The following PEX3 variants were observed in gnomAD, a reference collection of about 807,000 sequenced individuals.
The protein encoded by PEX3 is peroxisomal biogenesis factor 3.
PEX3 carries 30 observed loss-of-function variants against 55.8 expected under a neutral mutation model. The observed-to-expected ratio is 0.54, with a 90% CI of 0.40 to 0.73. The LOEUF (loss-of-function observed/expected upper bound fraction) is 0.73, where lower values mean the gene tolerates loss of function less well. Ranked by LOEUF, PEX3 falls within the 30% of genes least tolerant of loss-of-function variation. PEX3 has a pLI of 0.00. For synonymous variants in PEX3, 135 were observed against 148.4 expected (o/e 0.91, Z 0.66); for missense variants, 351 against 432.8 (o/e 0.81, Z 1.68).
At chr6:143,484,947 A>G in intron 10 of PEX3, 1 of 538,070 alleles carries the variant, frequency 1.9e-6, no homozygotes, top group South Asian at 2.1e-5. Flanking sequence ...AAAAACAAAG[A>G]TATGTGTAAA....
Position 143,467,889 on chromosome 6 carries a change from T to A in PEX3, c.288-233T>A, listed in dbSNP as rs375116092. Among the ~76,000 whole-genome samples, 20 of 152,314 alleles carry A rather than the reference T, an allele frequency of 1.3e-4. No individual in the cohort carries two copies. The South Asian group carries it at 3.9e-3, about 30-fold the overall frequency. On this transcript the variant is annotated intron_variant, in intron 3 of 11. Transcript: ENST00000367591. Reference sequence around the variant, plus strand: ...CCTATATGATTTTGTAATCTATCTATACATAACACTCAAGGAGAAAAAGAT... The same window carrying A: ...CCTATATGATTTTGTAATCTATCTAAACATAACACTCAAGGAGAAAAAGAT...
rs1010283257 is a variant in PEX3, at chr6:143,485,907, G to T, written c.1038+659G>T. On this transcript the variant is annotated intron_variant, in intron 11 of 11. Coordinates refer to ENST00000367591, the MANE Select transcript of PEX3 (RefSeq NM_003630.3). This position sits in a 1 kb window ranked among gnomAD's most constrained non-coding sequence, Gnocchi z 5.6. ...AAACTGTGTTATAAGTTAAAAAATT[G>T]TTTGCAATGCCAGTTGCAAACTGCT... 6.6e-6 allele frequency among the ~76,000 whole-genome samples: 1 copy of T among 152,122 alleles called. No homozygotes were observed. Among genetic ancestry groups the T allele is most frequent in the Non-Finnish European group, 1.5e-5 (1 of 67,992 alleles).
Position 143,453,106 on chromosome 6 carries a change from A to C in PEX3, c.73+1991A>C, listed in dbSNP as rs6935651. ...GGACCACAAAGCACATTCTATTTCC[A>C]TATTATATCACTGTGCTTTCATGGC... On this transcript the variant is annotated intron_variant, in intron 1 of 11. Coordinates refer to ENST00000367591, the MANE Select transcript of PEX3 (RefSeq NM_003630.3). The surrounding 1 kb of genome is among the most constrained non-coding windows in gnomAD (Gnocchi z 4.6). Among the ~76,000 whole-genome samples, 2,028 of 152,322 alleles carry C rather than the reference A, an allele frequency of 0.013. 36 individuals are homozygous for C. The highest frequency in any genetic ancestry group is 0.046 in the African/African-American group (1,913 of 41,566).
intron 8 of PEX3, among the ~76,000 whole-genome samples, chr6:143,474,058 C>T (rs570403476): frequency 9.9e-5 from 15 of 151,818 alleles, no homozygotes; most frequent in Non-Finnish European, 1.9e-4. Flanking sequence ...CTTGAGCCCA[C>T]GAGTTCGAGG....
In PEX3 at chr6:143,482,178, C is replaced by G. The variant is rs1266372858; in HGVS notation, c.942-2974C>G. Among the ~76,000 whole-genome samples the G allele has an allele frequency of 6.6e-6, 1 of 151,850 alleles. No individual in the cohort carries two copies. Among genetic ancestry groups the G allele is most frequent in the Non-Finnish European group, 1.5e-5 (1 of 67,956 alleles). On this transcript the variant is annotated intron_variant, in intron 10 of 11. Transcript: ENST00000367591. The surrounding 1 kb of genome is among the most constrained non-coding windows in gnomAD (Gnocchi z 5.5). The stretch of plus-strand genomic sequence containing the variant: ...ATTAAGGAAAGCTGTTGATTTTTTT[C>G]TATACTTATATCTTGAAAATAGGTA...
chr6:143,471,682 G>A lies in PEX3; in HGVS notation c.578+71G>A. On this transcript the variant is annotated intron_variant, in intron 7 of 11. Transcript: ENST00000367591. The surrounding 1 kb of genome is among the most constrained non-coding windows in gnomAD (Gnocchi z 5.4). Reference sequence around the variant, plus strand: ...GTGAAAGAAAATTAGAATTGTTCTAGTGAAACCAGTGACTTGACAAACGGT... The same window carrying A: ...GTGAAAGAAAATTAGAATTGTTCTAATGAAACCAGTGACTTGACAAACGGT... 1.9e-6 allele frequency: 2 copies of A among 1,045,932 alleles called. No individual in the cohort carries two copies. The highest frequency in any genetic ancestry group is 3.0e-6 in the Non-Finnish European group (2 of 664,476). The allele number at this position is 1,045,932 out of a possible 1,614,324, so 64.8% of individuals were successfully genotyped here.
At chr6:143,469,183 A>T (rs1197317783) in intron 4 of PEX3, among the ~76,000 whole-genome samples, 1 of 152,218 alleles carries the variant, frequency 6.6e-6, no homozygotes, top group Non-Finnish European at 1.5e-5. Flanking sequence ...TCCTTTAGGT[A>T]TATACCCAGT....
At chr6:143,461,584 A>G (rs1779920809) in intron 2 of PEX3, among the ~76,000 whole-genome samples, 1 of 73,614 alleles carries the variant, frequency 1.4e-5, no homozygotes, top group Non-Finnish European at 2.4e-5. Flanking sequence ...TATACTAGAA[A>G]AAAAAAAAAA....
intron 4 of PEX3, among the ~76,000 whole-genome samples, chr6:143,468,811 C>CT (rs1798029124): frequency 4.0e-5 from 3 of 75,014 alleles, no homozygotes; most frequent in African/African-American, 6.0e-5. Flanking sequence ...TCCCCCCCCC[C>CT]CCCACCCCAC....
In PEX3 at chr6:143,459,258, C is replaced by T. The variant is rs74645983; in HGVS notation, c.205+42C>T. On this transcript the variant is annotated intron_variant, in intron 2 of 11. Transcript: ENST00000367591. The surrounding 1 kb of genome is among the most constrained non-coding windows in gnomAD (Gnocchi z 4.2). ...TTTATACATGTGTAAAGTTGTTTGA[C>T]GGTTGTATTAATTTGCATATCACCG... 2.3e-3 allele frequency: 3,584 copies of T among 1,566,714 alleles called. 61 individuals are homozygous for T. The African/African-American group carries it at 0.038, about 17-fold the overall frequency.
intron 10 of PEX3, chr6:143,484,926 G>A (rs1780293105): frequency 4.0e-6 from 2 of 502,264 alleles, no homozygotes; most frequent in Admixed American, 3.3e-5. Context: ...AGAGGTTTTT[G>A]GTAGACACAA....
Position 143,465,247 on chromosome 6 carries a change from A to G in PEX3, c.287+2250A>G, listed in dbSNP as rs570704235. Reference sequence around the variant, plus strand: ...TTGAAGGTACTTTTCTCTGTTCTACATAGATTTGGAATCTTTTATGTAGAT... The same window carrying G: ...TTGAAGGTACTTTTCTCTGTTCTACGTAGATTTGGAATCTTTTATGTAGAT... On this transcript the variant is annotated intron_variant, in intron 3 of 11. Transcript: ENST00000367591. The surrounding 1 kb of genome is among the most constrained non-coding windows in gnomAD (Gnocchi z 4.7). 4.0e-4 allele frequency among the ~76,000 whole-genome samples: 61 copies of G among 152,120 alleles called. No homozygotes were observed. The highest frequency in any genetic ancestry group is 1.4e-3 in the African/African-American group (58 of 41,568).
chr6:143,477,972 C>T (rs1204579915), intron 9 of PEX3, among the ~76,000 whole-genome samples: 1 of 152,052 alleles, frequency 6.6e-6, no homozygotes, highest in African/African-American at 2.4e-5. Flanking sequence ...AAAACTTGTT[C>T]AGATTTTTCA....
At position 143,459,061 on chromosome 6, in the gene PEX3, A is replaced by T. The variant is rs1249208785; in HGVS notation, c.74-24A>T. On this transcript the variant is annotated intron_variant, in intron 1 of 11. Transcript: ENST00000367591. The surrounding 1 kb of genome is among the most constrained non-coding windows in gnomAD (Gnocchi z 4.2). ...TAGAATTTTTGGTACTCTAATGAAT[A>T]TAGTACTTTTTTAATGATTGTAGGA... 6.6e-7 allele frequency: 1 copy of T among 1,510,554 alleles called. No individual in the cohort carries two copies. The highest frequency in any genetic ancestry group is 1.7e-5 in the Admixed American group (1 of 59,768). The allele number at this position is 1,510,554 out of a possible 1,614,324, so 93.6% of individuals were successfully genotyped here.
intron 9 of PEX3, 40 bp downstream of exon 9, chr6:143,474,896 G>A: frequency 9.8e-7 from 1 of 1,022,738 alleles, no homozygotes; most frequent in Non-Finnish European, 1.6e-6. Flanking sequence ...ATGTGTGTAT[G>A]TTGAATGTAC....
Position 143,488,716 on chromosome 6 carries a change from G to C in PEX3, c.1039-427G>C, listed in dbSNP as rs1780349927. ...GTGTATATGTGTGGTTCATGTATGT[G>C]TGTATATGTAAAATATGCACTTACT... On this transcript the variant is annotated intron_variant, in intron 11 of 11. Transcript: ENST00000367591. The surrounding 1 kb of genome is among the most constrained non-coding windows in gnomAD (Gnocchi z 4.9). Among the ~76,000 whole-genome samples, 1 of 152,050 alleles carries C rather than the reference G, an allele frequency of 6.6e-6. No homozygotes were observed. Among genetic ancestry groups the C allele is most frequent in the South Asian group, 2.1e-4 (1 of 4,824 alleles).
At position 143,450,809 on chromosome 6, in the gene PEX3, AGCG is replaced by A; in HGVS notation, c.-225_-223del. The A allele has an allele frequency of 3.5e-6, 3 of 855,206 alleles. No homozygotes were observed. The highest frequency in any genetic ancestry group is 2.3e-5 in the Admixed American group (1 of 44,260). 53.0% of individuals were successfully genotyped at this position (855,206 alleles called of 1,614,324 possible). A position where few individuals can be genotyped will look rare whatever the true frequency, so the allele number is the denominator to read the frequency against. On this transcript the variant is annotated 5_prime_UTR_variant, in exon 1 of 12. Coordinates refer to ENST00000367591, the MANE Select transcript of PEX3 (RefSeq NM_003630.3). ...CGGACCTGGGCTTGTCGGACCAGTG[AGCG>A]GCGGCGGCTGCGCGGCGGCAGCGGC...
In PEX3 at chr6:143,459,867, C is replaced by T. The variant is rs557251450; in HGVS notation, c.205+651C>T. On this transcript the variant is annotated intron_variant, in intron 2 of 11. Coordinates refer to ENST00000367591, the MANE Select transcript of PEX3 (RefSeq NM_003630.3). This position sits in a 1 kb window ranked among gnomAD's most constrained non-coding sequence, Gnocchi z 4.2. ...AGTAGGCAACTATAGACCTGTGAGT[C>T]GTCCACAATAGTATACACTCAGGCA... Among the ~76,000 whole-genome samples the T allele has an allele frequency of 3.9e-5, 6 of 152,310 alleles. No homozygotes were observed. The East Asian group carries it at 5.8e-4, about 15-fold the overall frequency.
In PEX3 at chr6:143,488,341, C is replaced by A. The variant is rs1242129985; in HGVS notation, c.1039-802C>A. ...TCAGAACAATATTTATAAGTGCATA[C>A]AATAAAATACATAATATTATAAAGG... On this transcript the variant is annotated intron_variant, in intron 11 of 11. Transcript: ENST00000367591. The surrounding 1 kb of genome is among the most constrained non-coding windows in gnomAD (Gnocchi z 4.9). Among the ~76,000 whole-genome samples the A allele has an allele frequency of 6.6e-6, 1 of 151,940 alleles. No individual in the cohort carries two copies. The highest frequency in any genetic ancestry group is 2.4e-5 in the African/African-American group (1 of 41,380).
Sources: allele counts gnomAD v4.1 joint callset (sites outside exome capture counted in the v4.1 genomes callset), GRCh38; gene constraint gnomAD v4.1.1; non-coding constraint Gnocchi (gnomAD v3.1); transcripts MANE v1.5; gene names NCBI Gene and HGNC (gene_info 2026-07-23, HGNC 2026-07-21).